Variants in SLCO3A1 observed in about 807,000 individuals in gnomAD.
SLCO3A1 encodes the protein PGE1 transporter.
SLCO3A1 carries 27 observed loss-of-function variants against 63.1 expected under a neutral mutation model. That is an observed-to-expected ratio of 0.43 (90% CI 0.32 to 0.59). The LOEUF is 0.59. Among genes scored for constraint, SLCO3A1 ranks in the 20% least tolerant of loss-of-function variants. The pLI, the probability that SLCO3A1 is intolerant of heterozygous loss-of-function variation, is 0.09. For synonymous variants in SLCO3A1, 473 were observed against 409.9 expected (o/e 1.15, Z -1.86); for missense variants, 773 against 945.8 (o/e 0.82, Z 2.40).
intron 2 of SLCO3A1, among the ~76,000 whole-genome samples, chr15:92,025,456 G>A (rs1355033682): frequency 6.6e-6 from 1 of 152,120 alleles, no homozygotes; most frequent in Non-Finnish European, 1.5e-5. Context: ...TCTTGCTGCT[G>A]CTGCTGCTAC....
intron 10 of SLCO3A1, chr15:92,171,431 A>C (rs1157801798): frequency 1.4e-5 from 3 of 207,342 alleles, no homozygotes; most frequent in African/African-American, 6.9e-5. Flanking sequence ...TGACACTTAG[A>C]GCCCCAGAAC....
chr15:92,162,706 G>A (rs752940387), intron 9 of SLCO3A1, 50 bp from the exon 10 acceptor site: 270 of 1,562,918 alleles, frequency 1.7e-4, no homozygotes, highest in Non-Finnish European at 2.2e-4. Flanking sequence ...AGGAACAGGG[G>A]AGCACTGGCC....
At chr15:92,020,388 A>G (rs2046494129) in intron 2 of SLCO3A1, among the ~76,000 whole-genome samples, 1 of 152,208 alleles carries the variant, frequency 6.6e-6, no homozygotes, top group South Asian at 2.1e-4. Flanking sequence ...TAATAGTCTA[A>G]TCTCAGCCAA....
chr15:92,104,657 T>C (rs1040423766), intron 4 of SLCO3A1, 115 bp downstream of exon 4: 6 of 1,077,452 alleles, frequency 5.6e-6, no homozygotes, highest in Non-Finnish European at 7.8e-6. Context: ...GGAGGCAGAA[T>C]AATATTGGCT....
intron 2 of SLCO3A1, among the ~76,000 whole-genome samples, chr15:92,042,952 A>T (rs1333463393): frequency 6.6e-6 from 1 of 152,148 alleles, no homozygotes; most frequent in Non-Finnish European, 1.5e-5. Flanking sequence ...TGGCCATGGA[A>T]TCATTAGAAG....
intron 8 of SLCO3A1, chr15:92,149,830 A>G (rs978092295): frequency 1.3e-5 from 2 of 152,264 alleles, no homozygotes; most frequent in African/African-American, 4.8e-5. Flanking sequence ...AACTCATTAT[A>G]CCAGTGTGCT....
chr15:91,881,332 G>A (rs1256933114), intron 1 of SLCO3A1, among the ~76,000 whole-genome samples: 1 of 151,184 alleles, frequency 6.6e-6, no homozygotes, highest in Non-Finnish European at 1.5e-5. Context: ...AACTGGTCAT[G>A]TGACAGAATT....
chr15:92,120,670 G>C (rs1033109688), intron 5 of SLCO3A1, 41 bp downstream of exon 5: 4 of 1,575,964 alleles, frequency 2.5e-6, no homozygotes, highest in Non-Finnish European at 2.6e-6. Context: ...TCGGGGGAGG[G>C]TGTCCTGTGT....
At chr15:92,015,109 G>T (rs2046410846) in intron 2 of SLCO3A1, among the ~76,000 whole-genome samples, 1 of 152,174 alleles carries the variant, frequency 6.6e-6, no homozygotes. Context: ...GAGCTCTTTG[G>T]AGTGATGTCC....
intron 1 of SLCO3A1, among the ~76,000 whole-genome samples, chr15:91,889,753 T>C (rs1270241200): frequency 6.6e-6 from 1 of 152,276 alleles, no homozygotes; most frequent in Non-Finnish European, 1.5e-5. Flanking sequence ...TGAATTTTGC[T>C]CTTTTTCCAT....
chr15:91,861,715 C>A (rs1897052088), intron 1 of SLCO3A1, among the ~76,000 whole-genome samples: 1 of 151,934 alleles, frequency 6.6e-6, no homozygotes, highest in Admixed American at 6.6e-5. Context: ...GCTTGACGTC[C>A]CAGGCTGAAA....
At chr15:91,893,654 A>G (rs1597096780) in intron 1 of SLCO3A1, among the ~76,000 whole-genome samples, 1 of 152,366 alleles carries the variant, frequency 6.6e-6, no homozygotes, top group South Asian at 2.1e-4. Context: ...TTAAAAGGAC[A>G]CAAACATTCA....
chr15:91,898,265 AC>A (rs1312693536), intron 1 of SLCO3A1, among the ~76,000 whole-genome samples: 1 of 152,214 alleles, frequency 6.6e-6, no homozygotes, highest in Non-Finnish European at 1.5e-5. Context: ...TTGTCCTGTA[AC>A]TGGAGAGACA....
chr15:91,968,267 C>G lies in SLCO3A1; in HGVS notation c.646+51809C>G, dbSNP rs1407205734. ...TACCTTACAGTCTTTTACTTCTCCA[C>G]CTGGGGAAAACAGCAGATGGAGGAG... is the stretch of plus-strand genomic sequence containing the variant. On this transcript the variant is annotated intron_variant, in intron 2 of 9. Transcript: ENST00000318445. The surrounding 1 kb of genome is among the most constrained non-coding windows in gnomAD (Gnocchi z 4.2). Among the ~76,000 whole-genome samples the G allele has an allele frequency of 1.3e-5, 2 of 152,068 alleles. No homozygotes were observed. Among genetic ancestry groups the G allele is most frequent in the African/African-American group, 4.8e-5 (2 of 41,390 alleles).
chr15:91,929,135 A>G (rs1049372398), intron 2 of SLCO3A1, among the ~76,000 whole-genome samples: 2 of 152,182 alleles, frequency 1.3e-5, no homozygotes, highest in African/African-American at 4.8e-5. Context: ...ATGAGCAGTT[A>G]TTGAGCTCTG....
chr15:92,162,513 A>G (rs1424457264), intron 9 of SLCO3A1: 1 of 534,444 alleles, frequency 1.9e-6, no homozygotes, highest in Non-Finnish European at 3.2e-6. Flanking sequence ...TATTATCATC[A>G]TCCCCATTTT....
chr15:92,061,874 G>A (rs1443478346), intron 2 of SLCO3A1, among the ~76,000 whole-genome samples: 2 of 152,238 alleles, frequency 1.3e-5, no homozygotes, highest in Non-Finnish European at 2.9e-5. Context: ...GAGCCACAAG[G>A]GTTTAGCTAC....
At chr15:92,016,016 A>G (rs1167647709) in intron 2 of SLCO3A1, among the ~76,000 whole-genome samples, 1 of 152,168 alleles carries the variant, frequency 6.6e-6, no homozygotes, top group Non-Finnish European at 1.5e-5. Context: ...GTGGGCAGAA[A>G]GGATTTCAGG....
chr15:92,167,566 A>C (rs961808929), downstream of SLCO3A1, among the ~76,000 whole-genome samples: 3 of 152,234 alleles, frequency 2.0e-5, no homozygotes, highest in African/African-American at 7.2e-5. Flanking sequence ...CCCTTACAGT[A>C]AACCACCCTA....
Sources: allele counts gnomAD v4.1 joint callset (sites outside exome capture counted in the v4.1 genomes callset), GRCh38; gene constraint gnomAD v4.1.1; non-coding constraint Gnocchi (gnomAD v3.1); transcripts MANE v1.5; gene names NCBI Gene and HGNC (gene_info 2026-07-23, HGNC 2026-07-21).